Variants in MGAM2 observed in about 807,000 individuals in gnomAD.
MGAM2 encodes the protein maltase-glucoamylase 2 (putative).
Under a neutral mutation model 96.1 loss-of-function variants are expected in MGAM2, and 98 were observed. The ratio of observed to expected loss-of-function variants is 1.02; its 90% CI spans 0.87 to 1.21. The LOEUF is 1.21. MGAM2 is among the 50% of genes most tolerant of loss of function. MGAM2 has a pLI of 0.00. For synonymous variants in MGAM2, 749 were observed against 414.8 expected (o/e 1.81, Z -9.79); for missense variants, 2,055 against 1,182.4 (o/e 1.74, Z -10.82).
At chr7:142,206,544 C>T (rs549484252) in intron 45 of MGAM2, among the ~76,000 whole-genome samples, 2 of 152,274 alleles carry the variant, frequency 1.3e-5, no homozygotes, top group African/African-American at 4.8e-5. Flanking sequence ...TGAGTGATGT[C>T]ATAGTAGGTT....
At chr7:142,141,964 G>C (rs1388279844) in intron 12 of MGAM2, among the ~76,000 whole-genome samples, 1 of 152,120 alleles carries the variant, frequency 6.6e-6, no homozygotes, top group Non-Finnish European at 1.5e-5. Flanking sequence ...TATATGTAGG[G>C]TCAGCCCTAG....
chr7:142,220,567 C>T lies in MGAM2; in HGVS notation c.6056C>T (p.Pro2019Leu), dbSNP rs1438120401. The T allele has an allele frequency of 2.9e-6, 2 of 697,922 alleles. No individual in the cohort carries two copies. Among genetic ancestry groups the T allele is most frequent in the African/African-American group, 1.8e-5 (1 of 56,998 alleles). The allele number at this position is 697,922 out of a possible 1,614,324, so 43.2% of individuals were successfully genotyped here. Residue 2019 changes from proline to leucine, a missense_variant, in exon 48 of 48, where the codon CCT becomes CTT. Transcript: ENST00000477922. ...TSASTNATPV[P>L]ITTTLFATST... ...GCTAGCACTAATGCTACCCCTGTTC[C>T]TATCACAACCACACTTTTTGCAACA...
At chr7:142,171,536 A>C in intron 28 of MGAM2, 96 bp downstream of exon 28, 1 of 587,022 alleles carries the variant, frequency 1.7e-6, no homozygotes, top group Non-Finnish European at 3.1e-6. Context: ...CATCAACCTC[A>C]TCTTATATTG....
chr7:142,198,123 C>T lies in MGAM2; in HGVS notation c.4867-16C>T, dbSNP rs1797107851. On this transcript the variant is annotated splice_polypyrimidine_tract_variant and intron_variant, in intron 42 of 47. Transcript: ENST00000477922. Reference sequence around the variant, plus strand: ...TTTTGAAATATTCATAATGACATGTCAATTTTATGTTTCAGAGCACATTTG... The same window carrying T: ...TTTTGAAATATTCATAATGACATGTTAATTTTATGTTTCAGAGCACATTTG... The T allele has an allele frequency of 1.4e-6, 1 of 701,200 alleles. No individual in the cohort carries two copies. Among genetic ancestry groups the T allele is most frequent in the African/African-American group, 1.7e-5 (1 of 57,170 alleles). 43.4% of individuals were successfully genotyped at this position (701,200 alleles called of 1,614,324 possible). A position where few individuals can be genotyped will look rare whatever the true frequency, so the allele number is the denominator to read the frequency against.
intron 46 of MGAM2, among the ~76,000 whole-genome samples, chr7:142,209,968 A>G (rs1797526964): frequency 6.6e-6 from 1 of 152,224 alleles, no homozygotes; most frequent in Non-Finnish European, 1.5e-5. Context: ...AGTGAGATCA[A>G]TGCAGAAGGC....
intron 45 of MGAM2, among the ~76,000 whole-genome samples, chr7:142,204,499 G>C (rs1797337512): frequency 6.6e-6 from 1 of 151,972 alleles, no homozygotes; most frequent in Non-Finnish European, 1.5e-5. Context: ...AAATTAAATA[G>C]ATCTAGGTTT....
intron 15 of MGAM2, among the ~76,000 whole-genome samples, chr7:142,152,324 G>A (rs1376089912): frequency 6.6e-6 from 1 of 152,306 alleles, no homozygotes; most frequent in East Asian, 1.9e-4. Flanking sequence ...TTACTGCAGA[G>A]TATAATAAAC....
intron 17 of MGAM2, among the ~76,000 whole-genome samples, chr7:142,156,155 C>CAAA (rs71522175): frequency 7.7e-6 from 1 of 129,554 alleles, no homozygotes; most frequent in African/African-American, 2.8e-5. Flanking sequence ...CAAAACAAAA[C>CAAA]AAAAAAAAAA....
In MGAM2 at chr7:142,144,796, C is replaced by T. The variant is rs969176230; in HGVS notation, c.1432-65C>T. 93 of 645,084 alleles carry T rather than the reference C, an allele frequency of 1.4e-4. 1 individual carries two copies. Among genetic ancestry groups the T allele is most frequent in the South Asian group, 5.1e-4 (30 of 58,640 alleles). The allele number at this position is 645,084 out of a possible 1,614,324, so 40.0% of individuals were successfully genotyped here. A position where few individuals can be genotyped will look rare whatever the true frequency, so the allele number is the denominator to read the frequency against. On this transcript the variant is annotated intron_variant, in intron 13 of 47. Coordinates refer to ENST00000477922, the MANE Select transcript of MGAM2 (RefSeq NM_001293626.2). The stretch of plus-strand genomic sequence containing the variant: ...ATATCCTGGCTCCTAGTTCAGTAAG[C>T]GTTTCTCAACAGCTAAATGTAGCTC...
At chr7:142,119,875 A>G (rs1049885166) in intron 2 of MGAM2, among the ~76,000 whole-genome samples, 1 of 152,216 alleles carries the variant, frequency 6.6e-6, no homozygotes, top group Non-Finnish European at 1.5e-5. Flanking sequence ...TAGAAAATAG[A>G]TGAGTGTTTG....
intron 10 of MGAM2, among the ~76,000 whole-genome samples, chr7:142,139,251 A>G (rs1795146585): frequency 6.6e-6 from 1 of 152,206 alleles, no homozygotes; most frequent in Admixed American, 6.5e-5. Context: ...CAAGATAATT[A>G]TTAAGTGTGT....
At chr7:142,190,875 C>T (rs1796847382) in intron 37 of MGAM2, among the ~76,000 whole-genome samples, 1 of 151,896 alleles carries the variant, frequency 6.6e-6, no homozygotes, top group African/African-American at 2.4e-5. Flanking sequence ...TGGCTCACAC[C>T]TGTAATCTCA....
rs111414585 is a variant in MGAM2, at chr7:142,214,395, A to G, written c.5188-3966A>G. Among the ~76,000 whole-genome samples, 1,336 of 152,330 alleles carry G rather than the reference A, an allele frequency of 8.8e-3. 8 individuals carry two copies. The highest frequency in any genetic ancestry group is 0.016 in the Non-Finnish European group (1,059 of 68,030). ...CTCTATTTGCAGATGATGTGATTGT[A>G]TATTTAGAAAACCCCATTGTCTCAG... On this transcript the variant is annotated intron_variant, in intron 46 of 47. Coordinates refer to ENST00000477922, the MANE Select transcript of MGAM2 (RefSeq NM_001293626.2).
intron 45 of MGAM2, among the ~76,000 whole-genome samples, chr7:142,206,406 A>G (rs1481610909): frequency 6.6e-6 from 1 of 152,160 alleles, no homozygotes; most frequent in African/African-American, 2.4e-5. Context: ...GTTATCTTCA[A>G]GATAACTACA....
chr7:142,135,586 C>T (rs915129833), intron 7 of MGAM2, among the ~76,000 whole-genome samples: 1 of 151,974 alleles, frequency 6.6e-6, no homozygotes, highest in Admixed American at 6.6e-5. Flanking sequence ...TCTTTCTTTT[C>T]CCTCTCCTGG....
Position 142,164,790 on chromosome 7 carries a change from G to A in MGAM2, c.2485-66G>A, listed in dbSNP as rs901946993. The A allele has an allele frequency of 7.6e-5, 44 of 578,912 alleles. No homozygotes were observed. In the East Asian group the frequency reaches 8.6e-4, roughly 11 times the overall value. The allele number at this position is 578,912 out of a possible 1,614,324, so 35.9% of individuals were successfully genotyped here. A position where few individuals can be genotyped will look rare whatever the true frequency, so the allele number is the denominator to read the frequency against. ...GATCACAGAAATTGAGACATTGACT[G>A]GTATTTGGGGATAATAAGGGTCTGA... is the stretch of plus-strand genomic sequence containing the variant. On this transcript the variant is annotated intron_variant, in intron 23 of 47. Transcript: ENST00000477922.
At chr7:142,176,351 T>C (rs965187197) in intron 32 of MGAM2, among the ~76,000 whole-genome samples, 1 of 152,206 alleles carries the variant, frequency 6.6e-6, no homozygotes, top group Non-Finnish European at 1.5e-5. Flanking sequence ...CAAATGATTC[T>C]CTCTTCTAGC....
At chr7:142,200,695 C>T (rs1023808725) in intron 45 of MGAM2, among the ~76,000 whole-genome samples, 3 of 152,092 alleles carry the variant, frequency 2.0e-5, no homozygotes, top group African/African-American at 7.2e-5. Context: ...TTTTTCACTA[C>T]TAATATTTCT....
chr7:142,117,956 T>C (rs1817473550), intron 2 of MGAM2, among the ~76,000 whole-genome samples: 3 of 152,134 alleles, frequency 2.0e-5, no homozygotes, highest in African/African-American at 7.2e-5. Flanking sequence ...GTTTTTTTTT[T>C]GAAGATGTAT....
Sources: allele counts gnomAD v4.1 joint callset (sites outside exome capture counted in the v4.1 genomes callset), GRCh38; gene constraint gnomAD v4.1.1; transcripts MANE v1.5; gene names NCBI Gene and HGNC (gene_info 2026-07-23, HGNC 2026-07-21).